The following TDRD3 variants were observed in gnomAD, a reference collection of about 807,000 sequenced individuals.
The protein encoded by TDRD3 is tudor domain-containing protein 3.
A neutral mutation model predicts 86.7 loss-of-function variants in TDRD3; 45 were observed. That is an observed-to-expected ratio of 0.52 (90% CI 0.41 to 0.67). The LOEUF (loss-of-function observed/expected upper bound fraction) is 0.67, where lower values mean the gene tolerates loss of function less well. TDRD3 is among the 30% of genes least tolerant of loss of function. The pLI, the probability that TDRD3 is intolerant of heterozygous loss-of-function variation, is 0.00. For synonymous variants in TDRD3, 298 were observed against 301.7 expected (o/e 0.99, Z 0.13); for missense variants, 814 against 889.0 (o/e 0.92, Z 1.07).
chr13:60,499,715 G>C (rs1956793491), intron 8 of TDRD3, among the ~76,000 whole-genome samples: 1 of 152,198 alleles, frequency 6.6e-6, no homozygotes, highest in African/African-American at 2.4e-5. Context: ...AATTTCTAGG[G>C]GTCCAGTGGT....
chr13:60,516,616 T>C (rs1298167426), intron 10 of TDRD3, among the ~76,000 whole-genome samples: 2 of 152,228 alleles, frequency 1.3e-5, no homozygotes, highest in Non-Finnish European at 2.9e-5. Flanking sequence ...CTATTAACCT[T>C]AATTTTCTCA....
chr13:60,406,776 C>A lies in TDRD3; in HGVS notation c.41+9371C>A, dbSNP rs1024142662. Among the ~76,000 whole-genome samples the A allele has an allele frequency of 2.0e-5, 3 of 152,248 alleles. No homozygotes were observed. The South Asian group carries it at 6.2e-4, about 32-fold the overall frequency. On this transcript the variant is annotated intron_variant, in intron 1 of 13. Transcript: ENST00000377881. ...TGCTGATATTGGAGACTCAGAGCAC[C>A]TTTTAAAACACTCTTTATAAATTTA... is the stretch of plus-strand genomic sequence containing the variant.
chr13:60,438,855 A>G (rs989037482), intron 1 of TDRD3, among the ~76,000 whole-genome samples: 1 of 151,812 alleles, frequency 6.6e-6, no homozygotes, highest in Non-Finnish European at 1.5e-5. Flanking sequence ...ACCATTAGCC[A>G]TTTGGTTAAA....
chr13:60,420,024 A>C (rs1954616529), intron 1 of TDRD3, among the ~76,000 whole-genome samples: 1 of 152,100 alleles, frequency 6.6e-6, no homozygotes, highest in South Asian at 2.1e-4. Flanking sequence ...TATGTGTTTT[A>C]TATGTAATAC....
intron 1 of TDRD3, among the ~76,000 whole-genome samples, chr13:60,415,881 TC>T (rs1277398041): frequency 1.3e-5 from 2 of 152,134 alleles, no homozygotes; most frequent in Non-Finnish European, 2.9e-5. Flanking sequence ...GGAAAAACAT[TC>T]TTTAGAGACA....
intron 5 of TDRD3, among the ~76,000 whole-genome samples, chr13:60,473,450 C>G (rs1204377069): frequency 1.3e-5 from 2 of 152,132 alleles, no homozygotes; most frequent in African/African-American, 2.4e-5. Context: ...ATTAGCTTAT[C>G]AGCTATATTG....
At chr13:60,401,243 A>T (rs1400002812) in intron 1 of TDRD3, among the ~76,000 whole-genome samples, 1 of 149,132 alleles carries the variant, frequency 6.7e-6, no homozygotes, top group Non-Finnish European at 1.5e-5. Flanking sequence ...TTGGAAAAAT[A>T]AAAAAAAATA....
rs150504982 is a variant in TDRD3, at chr13:60,545,017, G to A, written c.2118+9784G>A. Reference sequence around the variant, plus strand: ...TGAAAAGTCCTTCTTCAGACACCAAGCCTGTACATGACAGTTTAATATGAT... The same window carrying A: ...TGAAAAGTCCTTCTTCAGACACCAAACCTGTACATGACAGTTTAATATGAT... On this transcript the variant is annotated intron_variant, in intron 12 of 13. Transcript: ENST00000377881. Among the ~76,000 whole-genome samples the A allele has an allele frequency of 6.6e-5, 10 of 152,258 alleles. No individual in the cohort carries two copies. In the East Asian group the frequency reaches 1.9e-3, roughly 29 times the overall value.
chr13:60,560,625 TTTTCA>T (rs1958311809), intron 12 of TDRD3, among the ~76,000 whole-genome samples: 1 of 152,176 alleles, frequency 6.6e-6, no homozygotes, highest in Admixed American at 6.5e-5. Context: ...AAAAATTAGC[TTTTCA>T]TTTATGTTAA....
Position 60,397,344 on chromosome 13 carries a change from C to A in TDRD3, c.-21C>A, listed in dbSNP as rs1228071238. ...TCACCCCCACCCCAGCCCCCCACCACCCCCGGCCTAAGCAGCTACCATGGC... is the reference window on the plus strand; with the variant it reads ...TCACCCCCACCCCAGCCCCCCACCAACCCCGGCCTAAGCAGCTACCATGGC... On this transcript the variant is annotated 5_prime_UTR_variant, in exon 1 of 14. Transcript: ENST00000377881. 2.0e-6 allele frequency: 3 copies of A among 1,471,082 alleles called. No homozygotes were observed. The highest frequency in any genetic ancestry group is 2.7e-6 in the Non-Finnish European group (3 of 1,107,024). 91.1% of individuals were successfully genotyped at this position (1,471,082 alleles called of 1,614,324 possible).
In TDRD3 at chr13:60,529,280, T is replaced by C. The variant is rs796527278; in HGVS notation, c.1992+63T>C. ...GAAATGTAACATTCTAGTGGGACTT[T>C]ATAGAAGCTGTCACTTTGGAACTAT... is the stretch of plus-strand genomic sequence containing the variant. On this transcript the variant is annotated intron_variant, in intron 11 of 13. Coordinates refer to ENST00000377881, the MANE Select transcript of TDRD3 (RefSeq NM_001146070.2). 2.8e-5 allele frequency: 42 copies of C among 1,486,216 alleles called. No homozygotes were observed. In the African/African-American group the frequency reaches 5.1e-4, roughly 18 times the overall value. 92.1% of individuals were successfully genotyped at this position (1,486,216 alleles called of 1,614,324 possible). A position where few individuals can be genotyped will look rare whatever the true frequency, so the allele number is the denominator to read the frequency against.
chr13:60,562,785 G>A (rs1958365942), intron 12 of TDRD3, among the ~76,000 whole-genome samples: 1 of 152,086 alleles, frequency 6.6e-6, no homozygotes, highest in South Asian at 2.1e-4. Context: ...TAGCTATTAG[G>A]TGACAGTATT....
intron 5 of TDRD3, among the ~76,000 whole-genome samples, chr13:60,477,527 T>C (rs994277450): frequency 3.9e-5 from 6 of 152,174 alleles, no homozygotes; most frequent in Non-Finnish European, 7.3e-5. Context: ...ATGGCTCTTA[T>C]TATTTTGAGA....
At chr13:60,500,451 G>T (rs9538722) in intron 8 of TDRD3, among the ~76,000 whole-genome samples, 2 of 152,138 alleles carry the variant, frequency 1.3e-5, no homozygotes, top group South Asian at 2.1e-4. Context: ...AGTTGACAGA[G>T]GAAGAGAAGA....
intron 13 of TDRD3, among the ~76,000 whole-genome samples, chr13:60,571,572 T>G (rs749519407): frequency 5.3e-5 from 8 of 152,210 alleles, no homozygotes; most frequent in Non-Finnish European, 7.4e-5. Flanking sequence ...TAGGTTTTCT[T>G]TTTATGTTTT....
At chr13:60,535,811 C>T (rs977728868) in intron 12 of TDRD3, 6 of 152,088 alleles carry the variant, frequency 3.9e-5, no homozygotes, top group African/African-American at 1.4e-4. Context: ...GATGATGTAA[C>T]TTAGAACTTA....
intron 8 of TDRD3, among the ~76,000 whole-genome samples, chr13:60,503,200 G>A (rs2137615486): frequency 6.6e-6 from 1 of 152,248 alleles, no homozygotes; most frequent in Non-Finnish European, 1.5e-5. Flanking sequence ...AGTTCTTCAT[G>A]AGTCCTGTAC....
intron 1 of TDRD3, among the ~76,000 whole-genome samples, chr13:60,404,311 C>CTT (rs750395505): frequency 2.5e-4 from 34 of 135,458 alleles, no homozygotes; most frequent in Non-Finnish European, 3.2e-4. Flanking sequence ...GGTTTGTTTG[C>CTT]TTTTTTTTTT....
chr13:60,485,577 A>G (rs902561786), intron 6 of TDRD3, among the ~76,000 whole-genome samples: 1 of 152,088 alleles, frequency 6.6e-6, no homozygotes, highest in African/African-American at 2.4e-5. Flanking sequence ...ATAGCCACAT[A>G]TTTATATAGC....
Sources: gnomAD v4.1 joint callset for allele counts (sites outside exome capture counted in the v4.1 genomes callset) on GRCh38, gnomAD v4.1.1 for gene constraint, MANE v1.5 for transcripts, NCBI Gene and HGNC (gene_info 2026-07-23, HGNC 2026-07-21) for gene names.